Variants in ENTPD3 observed in about 807,000 individuals in gnomAD.
ENTPD3 encodes the protein CD39 antigen-like 3.
Under a neutral mutation model 51.2 loss-of-function variants are expected in ENTPD3, and 60 were observed. The ratio of observed to expected loss-of-function variants is 1.17; its 90% CI spans 0.95 to 1.45. The LOEUF is 1.45. Ranked by LOEUF, ENTPD3 falls within the 40% of genes most tolerant of loss-of-function variation. The pLI is 0.00. For synonymous variants in ENTPD3, 221 were observed against 238.4 expected (o/e 0.93, Z 0.67); for missense variants, 593 against 641.1 (o/e 0.93, Z 0.81).
intron 4 of ENTPD3, among the ~76,000 whole-genome samples, chr3:40,407,057 T>C (rs1407971067): frequency 6.6e-6 from 1 of 152,178 alleles, no homozygotes; most frequent in Non-Finnish European, 1.5e-5. Context: ...AGTTTGGATA[T>C]GAGCAACTGT....
chr3:40,419,176 C>T (rs1955810060), intron 7 of ENTPD3, among the ~76,000 whole-genome samples: 1 of 152,096 alleles, frequency 6.6e-6, no homozygotes, highest in South Asian at 2.1e-4. Flanking sequence ...GTTGCTACAA[C>T]AATAATATAA....
In ENTPD3 at chr3:40,415,881, AACCACG is replaced by A; in HGVS notation, c.640_645del (p.Thr214_Thr215del). ...TGTGGGTGCACCCGCATGGAGTGGA[AACCACG>A]GGTGCCCTGGACTTAGGTGGTGCCT... On this transcript the variant is annotated inframe_deletion, in exon 7 of 11. Coordinates refer to ENST00000301825, the MANE Select transcript of ENTPD3 (RefSeq NM_001248.4). The A allele has an allele frequency of 6.2e-7, 1 of 1,614,108 alleles. No individual in the cohort carries two copies. Among genetic ancestry groups the A allele is most frequent in the East Asian group, 2.2e-5 (1 of 44,870 alleles).
At chr3:40,391,378 C>T (rs1408597055) in intron 2 of ENTPD3, 1 of 151,758 alleles carries the variant, frequency 6.6e-6, no homozygotes, top group Non-Finnish European at 1.5e-5. Flanking sequence ...TTTTGAATCT[C>T]CATTAAAACT....
intron 3 of ENTPD3, among the ~76,000 whole-genome samples, chr3:40,400,123 G>A (rs1405300242): frequency 1.3e-5 from 2 of 151,984 alleles, no homozygotes; most frequent in Non-Finnish European, 2.9e-5. Context: ...AAATTAGCCA[G>A]GGATGGTGGT....
At chr3:40,398,625 G>A (rs9864423) in intron 3 of ENTPD3, among the ~76,000 whole-genome samples, 17,539 of 152,208 alleles carry the variant, frequency 0.12, 2,618 homozygotes, top group African/African-American at 0.34. Flanking sequence ...ATACTGAAGG[G>A]CTGAGATTAA....
At chr3:40,419,215 G>A (rs1368290316) in intron 7 of ENTPD3, among the ~76,000 whole-genome samples, 2 of 152,002 alleles carry the variant, frequency 1.3e-5, no homozygotes, top group African/African-American at 2.4e-5. Flanking sequence ...TAATCTTAGC[G>A]ATTTTATTTC....
intron 4 of ENTPD3, among the ~76,000 whole-genome samples, chr3:40,404,593 GAGGCCA>G (rs111602113): frequency 0.25 from 37,949 of 151,750 alleles, 5,734 homozygotes; most frequent in East Asian, 0.5. Context: ...CAGAGTCATG[GAGGCCA>G]CAGCATATCC....
chr3:40,413,595 G>A (rs901398326), intron 5 of ENTPD3, among the ~76,000 whole-genome samples: 1 of 152,040 alleles, frequency 6.6e-6, no homozygotes, highest in African/African-American at 2.4e-5. Flanking sequence ...CTTTTTCTTG[G>A]TTGCTTCCCC....
At position 40,402,123 on chromosome 3, in the gene ENTPD3, C is replaced by CTTTTTTTTTTTTTTTTTTTTT. The variant is rs58000344; in HGVS notation, c.286+1125_286+1126insTTTTTTTTTTTTTTTTTTTTT. Among the ~76,000 whole-genome samples, 65 of 95,070 alleles carry CTTTTTTTTTTTTTTTTTTTTT rather than the reference C, an allele frequency of 6.8e-4. 2 individuals carry two copies. The highest frequency in any genetic ancestry group is 8.4e-4 in the South Asian group (2 of 2,394). The allele number at this position is 95,070 out of a possible 152,430, so 62.4% of individuals were successfully genotyped here. ...TTCATTTCCTTTCCTTTTTTTTTTTCTTTTTTTTTTTTTGAGACAGAGTCT... is the reference window on the plus strand; with the variant it reads ...TTCATTTCCTTTCCTTTTTTTTTTTCTTTTTTTTTTTTTTTTTTTTTTTTTTTTTTTTTTGAGACAGAGTCT... On this transcript the variant is annotated intron_variant, in intron 4 of 10. Transcript: ENST00000301825.
chr3:40,412,061 C>T (rs1023019700), intron 5 of ENTPD3, 99 bp downstream of exon 5: 25 of 1,202,838 alleles, frequency 2.1e-5, no homozygotes, highest in South Asian at 1.1e-4. Flanking sequence ...GAACAACCCT[C>T]GCCCCCCAAA....
chr3:40,399,061 A>G (rs528806327), intron 3 of ENTPD3, among the ~76,000 whole-genome samples: 4 of 152,252 alleles, frequency 2.6e-5, no homozygotes, highest in African/African-American at 9.6e-5. Context: ...GTCTTTACAA[A>G]AAATATAAAA....
chr3:40,414,691 G>T lies in ENTPD3; in HGVS notation c.448G>T (p.Glu150Ter). Reference sequence around the variant, plus strand: ...CTGTGCCTTGTACAGGTTGCAAAATGAAACAGCAGCTAATGAAGTCCTTGA... The same window carrying T: ...CTGTGCCTTGTACAGGTTGCAAAATTAAACAGCAGCTAATGAAGTCCTTGA... ...AGMRLLRLQN[E>*]TAANEVLESI... The change falls in exon 6 of 11, where the codon GAA becomes TAA. Residue 150 changes from glutamate to a stop codon, truncating the protein, a stop_gained. Transcript: ENST00000301825. LOFTEE classifies it high-confidence loss of function. 1.9e-6 allele frequency: 3 copies of T among 1,614,068 alleles called. No homozygotes were observed. The highest frequency in any genetic ancestry group is 2.5e-6 in the Non-Finnish European group (3 of 1,179,962).
chr3:40,424,405 A>G (rs1449005090), intron 10 of ENTPD3, among the ~76,000 whole-genome samples: 1 of 152,238 alleles, frequency 6.6e-6, no homozygotes, highest in Non-Finnish European at 1.5e-5. Flanking sequence ...TTTTATTCAG[A>G]TATCAGAGTA....
At chr3:40,424,499 T>C (rs923885824) in intron 10 of ENTPD3, among the ~76,000 whole-genome samples, 3 of 152,158 alleles carry the variant, frequency 2.0e-5, no homozygotes, top group Non-Finnish European at 2.9e-5. Flanking sequence ...TCATTATATT[T>C]ACTGACAAAG....
chr3:40,388,589 C>CACACAG (rs1356762957), intron 2 of ENTPD3, among the ~76,000 whole-genome samples: 4 of 111,520 alleles, frequency 3.6e-5, no homozygotes, highest in Non-Finnish European at 6.6e-5. Context: ...CACACAGACA[C>CACACAG]ACACACACAC....
At chr3:40,396,576 C>T (rs936307686) in intron 3 of ENTPD3, among the ~76,000 whole-genome samples, 1 of 152,226 alleles carries the variant, frequency 6.6e-6, no homozygotes, top group South Asian at 2.1e-4. Flanking sequence ...TATTAAAATG[C>T]AGTCAAGGGG....
At chr3:40,417,346 G>T (rs1355984727) in intron 7 of ENTPD3, among the ~76,000 whole-genome samples, 2 of 152,168 alleles carry the variant, frequency 1.3e-5, no homozygotes, top group African/African-American at 4.8e-5. Flanking sequence ...TTCTAGGGAG[G>T]CTTCAGGAAA....
chr3:40,406,519 G>A (rs1200409562), intron 4 of ENTPD3, among the ~76,000 whole-genome samples: 2 of 152,206 alleles, frequency 1.3e-5, no homozygotes, highest in South Asian at 2.1e-4. Flanking sequence ...TATAGAACAC[G>A]TAGTCAGGGG....
intron 4 of ENTPD3, among the ~76,000 whole-genome samples, chr3:40,404,169 C>T (rs1422538643): frequency 6.6e-6 from 1 of 152,092 alleles, no homozygotes; most frequent in African/African-American, 2.4e-5. Flanking sequence ...GACTTCACCT[C>T]ATCCCTACTG....
Sources: allele counts gnomAD v4.1 joint callset (sites outside exome capture counted in the v4.1 genomes callset), GRCh38; gene constraint gnomAD v4.1.1; transcripts MANE v1.5; gene names NCBI Gene and HGNC (gene_info 2026-07-23, HGNC 2026-07-21).